MED12L: variants seen among roughly 807,000 people sequenced by gnomAD.
MED12L encodes mediator of RNA polymerase II transcription subunit 12-like protein.
Under a neutral mutation model 281.3 loss-of-function variants are expected in MED12L, and 60 were observed. That is an observed-to-expected ratio of 0.21 (90% CI 0.17 to 0.26). The LOEUF is 0.26. MED12L is among the 10% of genes least tolerant of loss of function. The pLI, the probability that MED12L is intolerant of heterozygous loss-of-function variation, is 1.00. For missense variants in MED12L, 2,146 were observed against 2,680.9 expected (o/e 0.80, Z 4.41); for synonymous variants, 974 against 987.2 (o/e 0.99, Z 0.25).
intron 5 of MED12L, among the ~76,000 whole-genome samples, chr3:151,145,256 G>C (rs896399288): frequency 6.6e-6 from 1 of 152,138 alleles, no homozygotes; most frequent in African/African-American, 2.4e-5. Flanking sequence ...CATGTCAGGG[G>C]CTTAGAAGAG....
intron 5 of MED12L, among the ~76,000 whole-genome samples, chr3:151,128,789 A>C: frequency 6.6e-6 from 1 of 152,182 alleles, no homozygotes. Flanking sequence ...CAATATCTGA[A>C]ATTATGTTTA....
In MED12L at chr3:151,327,873, G is replaced by T. The variant is rs1491980; in HGVS notation, c.2251-22186G>T. On this transcript the variant is annotated intron_variant, in intron 16 of 44. Transcript: ENST00000687756. ...ATTTTATATAATCTTTTCTGTACAC[G>T]AGGATAATAAAATGTAAGAGAGCAT... 1 of 716,834 alleles carries T rather than the reference G, an allele frequency of 1.4e-6. No homozygotes were observed. The highest frequency in any genetic ancestry group is 2.3e-6 in the Non-Finnish European group (1 of 439,782). 44.4% of individuals were successfully genotyped at this position (716,834 alleles called of 1,614,324 possible). A position where few individuals can be genotyped will look rare whatever the true frequency, so the allele number is the denominator to read the frequency against.
chr3:151,137,621 T>G (rs533900698), intron 5 of MED12L, among the ~76,000 whole-genome samples: 65 of 152,342 alleles, frequency 4.3e-4, no homozygotes, highest in African/African-American at 1.4e-3. Context: ...CCAGCTTATC[T>G]TTAGCATTTC....
At chr3:151,202,082 A>G (rs1393587577) in intron 16 of MED12L, among the ~76,000 whole-genome samples, 1 of 152,252 alleles carries the variant, frequency 6.6e-6, no homozygotes, top group Non-Finnish European at 1.5e-5. Flanking sequence ...GTAATTCTCA[A>G]GAATCATGGA....
rs1163263105 is a variant in MED12L, at chr3:151,413,352, AAC to A, written c.6297+59_6297+60del. ...CACCCTTCAGACAGTGCAAATATGCAACAGTCATAAAAAATGAAAAACACTAT... is the reference window on the plus strand; with the variant it reads ...CACCCTTCAGACAGTGCAAATATGCAAGTCATAAAAAATGAAAAACACTAT... On this transcript the variant is annotated intron_variant, in intron 42 of 44. Coordinates refer to ENST00000687756, the MANE Select transcript of MED12L (RefSeq NM_001393769.1). 1.4e-5 allele frequency: 22 copies of A among 1,535,898 alleles called. No individual in the cohort carries two copies. The Admixed American group carries it at 1.9e-4, about 14-fold the overall frequency.
At chr3:151,294,959 A>G in intron 16 of MED12L, 1 of 1,614,070 alleles carries the variant, frequency 6.2e-7, no homozygotes, top group Non-Finnish European at 8.5e-7. Flanking sequence ...GACTATTCGA[A>G]ATGGAAATGT....
chr3:151,360,423 C>A, intron 20 of MED12L, 51 bp from the exon 21 acceptor site: 7 of 1,549,460 alleles, frequency 4.5e-6, no homozygotes, highest in Non-Finnish European at 5.3e-6. Context: ...CAAATGATAA[C>A]CCACATAGTA....
chr3:151,109,204 A>G, intron 2 of MED12L, among the ~76,000 whole-genome samples: 1 of 152,054 alleles, frequency 6.6e-6, no homozygotes, highest in East Asian at 1.9e-4. Flanking sequence ...CGCAGCCACC[A>G]GCCACCACGC....
Position 151,123,010 on chromosome 3 carries a change from C to A in MED12L, c.396+36C>A, listed in dbSNP as rs192586679. The A allele has an allele frequency of 1.3e-5, 19 of 1,472,184 alleles. No homozygotes were observed. The African/African-American group carries it at 1.8e-4, about 14-fold the overall frequency. 91.2% of individuals were successfully genotyped at this position (1,472,184 alleles called of 1,614,324 possible). A position where few individuals can be genotyped will look rare whatever the true frequency, so the allele number is the denominator to read the frequency against. On this transcript the variant is annotated intron_variant, in intron 4 of 44. Coordinates refer to ENST00000687756, the MANE Select transcript of MED12L (RefSeq NM_001393769.1). ...TTTCTTACATTGTTTTAGTTATGGT[C>A]TTATAATCAGCTGTTTGGGATAATA...
At chr3:151,423,306 T>A (rs1718493209) in intron 43 of MED12L, among the ~76,000 whole-genome samples, 1 of 152,098 alleles carries the variant, frequency 6.6e-6, no homozygotes, top group Admixed American at 6.6e-5. Flanking sequence ...GGGACAATGA[T>A]CATCCCTTGG....
intron 16 of MED12L, among the ~76,000 whole-genome samples, chr3:151,281,422 T>C (rs938084448): frequency 2.0e-5 from 3 of 151,282 alleles, no homozygotes; most frequent in Admixed American, 1.3e-4. Context: ...AATAAATAAA[T>C]AAAAAATAAA....
At chr3:151,231,327 T>C (rs1220523499) in intron 16 of MED12L, among the ~76,000 whole-genome samples, 3 of 152,172 alleles carry the variant, frequency 2.0e-5, no homozygotes, top group Non-Finnish European at 4.4e-5. Flanking sequence ...TGTGGGAGAA[T>C]AGTATCTTTC....
At chr3:151,199,020 A>C (rs1193632257) in intron 16 of MED12L, 1 of 1,614,186 alleles carries the variant, frequency 6.2e-7, no homozygotes, top group Non-Finnish European at 8.5e-7. Flanking sequence ...TGTATTCGGT[A>C]GATCTTGCAG....
chr3:151,282,225 G>A (rs569257128), intron 16 of MED12L, among the ~76,000 whole-genome samples: 4 of 151,984 alleles, frequency 2.6e-5, no homozygotes, highest in Non-Finnish European at 5.9e-5. Flanking sequence ...ATTCTTTTTC[G>A]TAGCTTTGTA....
intron 5 of MED12L, among the ~76,000 whole-genome samples, chr3:151,133,470 C>T (rs1715696978): frequency 6.6e-6 from 1 of 152,078 alleles, no homozygotes; most frequent in Non-Finnish European, 1.5e-5. Flanking sequence ...AGTGAGGTCT[C>T]ATGTGTAACT....
In MED12L at chr3:151,152,705, A is replaced by G. The variant is rs1718718519; in HGVS notation, c.557-3456A>G. On this transcript the variant is annotated intron_variant, in intron 5 of 44. Transcript: ENST00000687756. Reference sequence around the variant, plus strand: ...TATATTATTAATGCCTCTCTTTAAAATGAGATTGAGATTTAGCAGAGGTAA... The same window carrying G: ...TATATTATTAATGCCTCTCTTTAAAGTGAGATTGAGATTTAGCAGAGGTAA... Among the ~76,000 whole-genome samples the G allele has an allele frequency of 1.3e-5, 2 of 152,194 alleles. 1 individual carries two copies. Among genetic ancestry groups the G allele is most frequent in the South Asian group, 4.1e-4 (2 of 4,830 alleles).
chr3:151,203,379 T>G (rs1725917389), intron 16 of MED12L, among the ~76,000 whole-genome samples: 1 of 152,056 alleles, frequency 6.6e-6, no homozygotes, highest in Non-Finnish European at 1.5e-5. Context: ...TGTCATATTT[T>G]TTAGAGAAAA....
chr3:151,210,695 T>C (rs80103806), intron 16 of MED12L, among the ~76,000 whole-genome samples: 6,582 of 152,346 alleles, frequency 0.043, 433 homozygotes, highest in African/African-American at 0.14. Flanking sequence ...AGAGTAGCCA[T>C]TAGCATATTC....
intron 11 of MED12L, among the ~76,000 whole-genome samples, chr3:151,181,110 G>A (rs1175094974): frequency 1.3e-5 from 2 of 151,284 alleles, no homozygotes; most frequent in Admixed American, 1.3e-4. Flanking sequence ...GCCATTTGGA[G>A]ATTTGTCAAA....
Sources: allele counts gnomAD v4.1 joint callset (sites outside exome capture counted in the v4.1 genomes callset), GRCh38; gene constraint gnomAD v4.1.1; transcripts MANE v1.5; gene names NCBI Gene and HGNC (gene_info 2026-07-23, HGNC 2026-07-21).